ST6GALNAC2: variants seen among roughly 807,000 people sequenced by gnomAD.
ST6GALNAC2 encodes the protein ST6 N-acetylgalactosaminide alpha-2,6-sialyltransferase 2, also known as alpha-N-acetylgalactosaminide alpha-2,6-sialyltransferase 2.
In ST6GALNAC2, 42 loss-of-function variants were observed where a neutral mutation model predicts 38.7. The observed-to-expected ratio is 1.09, with a 90% CI of 0.85 to 1.40. The LOEUF is 1.40. ST6GALNAC2 is among the 40% of genes most tolerant of loss of function. The pLI is 0.00. For missense variants in ST6GALNAC2, 506 were observed against 481.7 expected (o/e 1.05, Z -0.47); for synonymous variants, 233 against 209.0 (o/e 1.11, Z -0.99).
intron 2 of ST6GALNAC2, among the ~76,000 whole-genome samples, chr17:76,576,302 A>G (rs1347120807): frequency 6.6e-6 from 1 of 152,190 alleles, no homozygotes; most frequent in African/African-American, 2.4e-5. Context: ...AGAACATGGG[A>G]TGAGTGACAT....
At position 76,567,446 on chromosome 17, in the gene ST6GALNAC2, C is replaced by G. The variant is rs748296298; in HGVS notation, c.957+7G>C. ...GGCATGGGCTTCTGGAAGAGAAGGCCTCTTACCTGGTCACAGGTATGCAAA... is the reference window on the plus strand; with the variant it reads ...GGCATGGGCTTCTGGAAGAGAAGGCGTCTTACCTGGTCACAGGTATGCAAA... On this transcript the variant is annotated splice_region_variant and intron_variant, in intron 8 of 8. Coordinates refer to ENST00000225276, the MANE Select transcript of ST6GALNAC2 (RefSeq NM_006456.3). 1.9e-6 allele frequency: 3 copies of G among 1,607,106 alleles called. No individual in the cohort carries two copies. In the Admixed American group the frequency reaches 5.0e-5, roughly 27 times the overall value.
Position 76,566,282 on chromosome 17 carries a change from A to T in ST6GALNAC2, c.958-11T>A. On this transcript the variant is annotated splice_polypyrimidine_tract_variant and intron_variant, in intron 8 of 8. Transcript: ENST00000225276. ...TCCATAGGCACTGACCTGGGCAAGG[A>T]TAGTCGCTGGATTAGTATTTGTTGA... 1 of 1,613,846 alleles carries T rather than the reference A, an allele frequency of 6.2e-7. No homozygotes were observed. Among genetic ancestry groups the T allele is most frequent in the Non-Finnish European group, 8.5e-7 (1 of 1,179,826 alleles).
rs2075380939 is a variant in ST6GALNAC2 at position 76,573,720 on chromosome 17, G to C, written c.362-357C>G. Among the ~76,000 whole-genome samples, 1 of 152,112 alleles carries C rather than the reference G, an allele frequency of 6.6e-6. No individual in the cohort carries two copies. Among genetic ancestry groups the C allele is most frequent in the South Asian group, 2.1e-4 (1 of 4,830 alleles). The stretch of plus-strand genomic sequence containing the variant: ...AGGTGGGTGAATCACTTGAGGCCAG[G>C]AGTTCGAGACCAGCCTGGGCAACAT... On this transcript the variant is annotated intron_variant, in intron 3 of 8. Coordinates refer to ENST00000225276, the MANE Select transcript of ST6GALNAC2 (RefSeq NM_006456.3). This position sits in a 1 kb window ranked among gnomAD's most constrained non-coding sequence, Gnocchi z 5.1.
chr17:76,579,596 A>T (rs1046897467), intron 1 of ST6GALNAC2, among the ~76,000 whole-genome samples: 1 of 152,224 alleles, frequency 6.6e-6, no homozygotes, highest in East Asian at 1.9e-4. Context: ...TGGAAACTGA[A>T]TCCCCAATGC....
In ST6GALNAC2 at chr17:76,585,669, C is replaced by T; in HGVS notation, c.125+15G>A. On this transcript the variant is annotated intron_variant, in intron 1 of 8. Transcript: ENST00000225276. The stretch of plus-strand genomic sequence containing the variant: ...CGCCCCTGCGCCCTCCCGCTCTGCG[C>T]TCGGCAGCCCCTACCTGGCTCCGGC... The T allele has an allele frequency of 6.6e-7, 1 of 1,517,860 alleles. No homozygotes were observed. The highest frequency in any genetic ancestry group is 2.6e-5 in the East Asian group (1 of 38,288). 94.0% of individuals were successfully genotyped at this position (1,517,860 alleles called of 1,614,324 possible).
chr17:76,575,432 C>A (rs1016297991), intron 2 of ST6GALNAC2, among the ~76,000 whole-genome samples: 1 of 151,194 alleles, frequency 6.6e-6, no homozygotes, highest in Admixed American at 6.6e-5. Flanking sequence ...GAGGTCAGGC[C>A]CTAACTAGCA....
chr17:76,578,734 A>G, intron 2 of ST6GALNAC2, 22 bp downstream of exon 2: 5 of 1,608,414 alleles, frequency 3.1e-6, no homozygotes, highest in Non-Finnish European at 4.2e-6. Context: ...CAAAACTGCC[A>G]CAGGGTAGTC....
chr17:76,570,276 C>T, intron 6 of ST6GALNAC2: 1 of 418,498 alleles, frequency 2.4e-6, no homozygotes, highest in Non-Finnish European at 4.5e-6. Context: ...AGAAGCCAGA[C>T]CTGCTCACCC....
Position 76,573,021 on chromosome 17 carries a change from A to G in ST6GALNAC2, c.530+174T>C, listed in dbSNP as rs1406076765. On this transcript the variant is annotated intron_variant, in intron 4 of 8. Transcript: ENST00000225276. The surrounding 1 kb of genome is among the most constrained non-coding windows in gnomAD (Gnocchi z 5.1). ...TCCTGGGTCCCCTGCATGGGCACCCATGCTCCGTCCTCAGGGCCTACTGTT... is the reference window on the plus strand; with the variant it reads ...TCCTGGGTCCCCTGCATGGGCACCCGTGCTCCGTCCTCAGGGCCTACTGTT... Among the ~76,000 whole-genome samples the G allele has an allele frequency of 2.0e-5, 3 of 152,074 alleles. No individual in the cohort carries two copies. The highest frequency in any genetic ancestry group is 7.2e-5 in the African/African-American group (3 of 41,408).
chr17:76,567,577 G>A (rs2075300363), intron 7 of ST6GALNAC2, 25 bp from the exon 8 acceptor site: 1 of 1,482,786 alleles, frequency 6.7e-7, no homozygotes, highest in Admixed American at 1.7e-5. Context: ...AGACATTTCA[G>A]CTCACTAGCT....
chr17:76,585,634 G>T (rs1274527607), intron 1 of ST6GALNAC2, 50 bp downstream of exon 1: 2 of 1,473,678 alleles, frequency 1.4e-6, no homozygotes, highest in Admixed American at 4.9e-5. Flanking sequence ...GACCCTCCCC[G>T]CGCCCTGGTC....
Position 76,565,774 on chromosome 17 carries a change from G to A in ST6GALNAC2, c.*330C>T, listed in dbSNP as rs1187244716. Reference sequence around the variant, plus strand: ...CAGGAGGATTTGGGCTGGAGCGTGTGTGTTTGCCTTTGACCTGGACTGCTG... The same window carrying A: ...CAGGAGGATTTGGGCTGGAGCGTGTATGTTTGCCTTTGACCTGGACTGCTG... On this transcript the variant is annotated 3_prime_UTR_variant, in exon 9 of 9. Coordinates refer to ENST00000225276, the MANE Select transcript of ST6GALNAC2 (RefSeq NM_006456.3). The A allele has an allele frequency of 8.5e-6, 2 of 234,462 alleles. No homozygotes were observed. Among genetic ancestry groups the A allele is most frequent in the African/African-American group, 2.3e-5 (1 of 43,556 alleles). The allele number at this position is 234,462 out of a possible 1,614,324, so 14.5% of individuals were successfully genotyped here. A position where few individuals can be genotyped will look rare whatever the true frequency, so the allele number is the denominator to read the frequency against.
chr17:76,574,596 GCCCTGCAGA>G (rs2143304152), intron 2 of ST6GALNAC2, 57 bp from the exon 3 acceptor site: 1 of 874,668 alleles, frequency 1.1e-6, no homozygotes, highest in Non-Finnish European at 1.7e-6. Context: ...GGTGGGTGGG[GCCCTGCAGA>G]CCCTGCAGGG....
chr17:76,585,851 C>A lies in ST6GALNAC2; in HGVS notation c.-43G>T. On this transcript the variant is annotated 5_prime_UTR_variant, in exon 1 of 9. Coordinates refer to ENST00000225276, the MANE Select transcript of ST6GALNAC2 (RefSeq NM_006456.3). ...GCGCCCCGTCCGCTGACGTCCCAGG[C>A]AGAAGGGAGAGAACCGGGTGGGCCG... 2 of 1,510,860 alleles carry A rather than the reference C, an allele frequency of 1.3e-6. No homozygotes were observed. Among genetic ancestry groups the A allele is most frequent in the Non-Finnish European group, 1.8e-6 (2 of 1,132,632 alleles). 93.6% of individuals were successfully genotyped at this position (1,510,860 alleles called of 1,614,324 possible).
chr17:76,585,840 G>A lies in ST6GALNAC2; in HGVS notation c.-32C>T, dbSNP rs781589335. 1.3e-6 allele frequency: 2 copies of A among 1,516,240 alleles called. No homozygotes were observed. The highest frequency in any genetic ancestry group is 2.5e-5 in the South Asian group (2 of 81,590). 93.9% of individuals were successfully genotyped at this position (1,516,240 alleles called of 1,614,324 possible). A position where few individuals can be genotyped will look rare whatever the true frequency, so the allele number is the denominator to read the frequency against. On this transcript the variant is annotated 5_prime_UTR_variant, in exon 1 of 9. Coordinates refer to ENST00000225276, the MANE Select transcript of ST6GALNAC2 (RefSeq NM_006456.3). ...CCGGCCCGCGAGCGCCCCGTCCGCT[G>A]ACGTCCCAGGCAGAAGGGAGAGAAC...
At chr17:76,583,679 G>A (rs1048542964) in intron 1 of ST6GALNAC2, among the ~76,000 whole-genome samples, 30 of 151,740 alleles carry the variant, frequency 2.0e-4, no homozygotes, top group African/African-American at 6.8e-4. Context: ...CAGCCAGAGG[G>A]CCTTGGTGTT....
rs1051557080 is a variant in ST6GALNAC2, at chr17:76,580,617, G to T, written c.126-1801C>A. 5.3e-5 allele frequency among the ~76,000 whole-genome samples: 8 copies of T among 150,880 alleles called. No homozygotes were observed. In the East Asian group the frequency reaches 1.6e-3, roughly 30 times the overall value. ...AGGCTGAGGCCCAGGCTACTCGGGA[G>T]GCTGAGGCAGGAGAATGGCGTGAAC... On this transcript the variant is annotated intron_variant, in intron 1 of 8. Coordinates refer to ENST00000225276, the MANE Select transcript of ST6GALNAC2 (RefSeq NM_006456.3).
At chr17:76,570,373 G>A (rs2075339380) in intron 6 of ST6GALNAC2, 192 bp downstream of exon 6, 2 of 575,430 alleles carry the variant, frequency 3.5e-6, no homozygotes, top group Admixed American at 2.9e-5. Context: ...GCTTTCCAGG[G>A]GTAGACAAAA....
At chr17:76,578,686 T>C (rs958553076) in intron 2 of ST6GALNAC2, 70 bp downstream of exon 2, 2 of 1,431,506 alleles carry the variant, frequency 1.4e-6, no homozygotes, top group East Asian at 4.6e-5. Context: ...TGTTCTCGTT[T>C]GCTCTTCTTC....
Sources: gnomAD v4.1 joint callset for allele counts (sites outside exome capture counted in the v4.1 genomes callset) on GRCh38, gnomAD v4.1.1 for gene constraint, Gnocchi (gnomAD v3.1) non-coding constraint, MANE v1.5 for transcripts, NCBI Gene and HGNC (gene_info 2026-07-23, HGNC 2026-07-21) for gene names.